Variants in KCNIP4 observed in about 807,000 individuals in gnomAD.
KCNIP4 encodes potassium voltage-gated channel interacting protein 4, also known as Kv channel-interacting protein 4.
In KCNIP4, 12 loss-of-function variants were observed where a neutral mutation model predicts 34.0. The observed-to-expected ratio is 0.35, with a 90% CI of 0.23 to 0.57. The LOEUF (loss-of-function observed/expected upper bound fraction) is 0.57, where lower values mean the gene tolerates loss of function less well. Ranked by LOEUF, KCNIP4 falls within the 20% of genes least tolerant of loss-of-function variation. KCNIP4 has a pLI of 0.83. For synonymous variants in KCNIP4, 124 were observed against 102.2 expected, an observed-to-expected ratio of 1.21 and a Z score of -1.29; for missense variants, 238 against 311.7, an observed-to-expected ratio of 0.76 and a Z score of 1.78.
chr4:21,321,804 G>A (rs1011978042), intron 1 of KCNIP4, among the ~76,000 whole-genome samples: 2 of 139,188 alleles, frequency 1.4e-5, no homozygotes, highest in Admixed American at 1.5e-4. Flanking sequence ...GAGGGAGGGA[G>A]AAGAGGAGGG....
At chr4:21,879,752 G>A (rs1726356482) in intron 1 of KCNIP4, among the ~76,000 whole-genome samples, 2 of 151,450 alleles carry the variant, frequency 1.3e-5, no homozygotes, top group Non-Finnish European at 2.9e-5. Flanking sequence ...TATTGATATG[G>A]TTTCGCTGTG....
intron 1 of KCNIP4, among the ~76,000 whole-genome samples, chr4:21,067,035 T>C (rs1744459211): frequency 6.6e-6 from 1 of 152,130 alleles, no homozygotes; most frequent in Admixed American, 6.6e-5. Context: ...CAAAAAGAAC[T>C]GTGTCTTGCA....
chr4:20,948,161 T>C (rs1732391862), intron 1 of KCNIP4, among the ~76,000 whole-genome samples: 1 of 152,204 alleles, frequency 6.6e-6, no homozygotes, highest in African/African-American at 2.4e-5. Context: ...TGCTCCAGAT[T>C]TGGACCTTAT....
chr4:20,857,517 G>T (rs371286182), intron 2 of KCNIP4, among the ~76,000 whole-genome samples: 1 of 146,612 alleles, frequency 6.8e-6, no homozygotes, highest in African/African-American at 2.6e-5. Context: ...TGGATGTGAA[G>T]AAATTCACAA....
chr4:21,085,227 C>G (rs372844092), intron 1 of KCNIP4, among the ~76,000 whole-genome samples: 14 of 152,232 alleles, frequency 9.2e-5, no homozygotes, highest in African/African-American at 3.4e-4. Context: ...GAGAGATTCT[C>G]TCTCTCTCTG....
chr4:20,861,150 C>G (rs1722158326), intron 2 of KCNIP4, among the ~76,000 whole-genome samples: 1 of 152,142 alleles, frequency 6.6e-6, no homozygotes, highest in African/African-American at 2.4e-5. Flanking sequence ...GGACCTGCCC[C>G]AAACCTGTCT....
rs1418503882 is a variant in KCNIP4 at position 21,252,136 on chromosome 4, T to G, written c.62-369427A>C. 2.2e-3 allele frequency among the ~76,000 whole-genome samples: 332 copies of G among 150,176 alleles called. 2 individuals carry two copies. Among genetic ancestry groups the G allele is most frequent in the African/African-American group, 7.6e-3 (311 of 40,986 alleles). ...TAACATGAATGAGGTTTTGTTTTTT[T>G]TTTTTTTTTTGAGACAGAGTCTCGC... is the stretch of plus-strand genomic sequence containing the variant. On this transcript the variant is annotated intron_variant, in intron 1 of 8. Coordinates refer to ENST00000382152, the MANE Select transcript of KCNIP4 (RefSeq NM_025221.6).
chr4:21,787,756 A>T (rs1444866900), intron 1 of KCNIP4, among the ~76,000 whole-genome samples: 2 of 152,174 alleles, frequency 1.3e-5, no homozygotes, highest in African/African-American at 2.4e-5. Flanking sequence ...AAATTTTTTT[A>T]AAAATCTGCA....
intron 1 of KCNIP4, among the ~76,000 whole-genome samples, chr4:21,058,654 G>T (rs143241667): frequency 0.012 from 1,856 of 152,158 alleles, 25 homozygotes; most frequent in Admixed American, 0.019. Context: ...TAGCCATAAG[G>T]TTTCTATTAT....
chr4:20,892,260 A>T (rs1725995695), intron 1 of KCNIP4, among the ~76,000 whole-genome samples: 1 of 152,208 alleles, frequency 6.6e-6, no homozygotes. Context: ...GAATTTGCTG[A>T]AAACGATCTA....
chr4:21,383,818 C>CTTAA (rs2109486071), intron 1 of KCNIP4, among the ~76,000 whole-genome samples: 1 of 152,266 alleles, frequency 6.6e-6, no homozygotes, highest in South Asian at 2.1e-4. Context: ...AGTCACTGTC[C>CTTAA]TTAAGTAGGC....
intron 4 of KCNIP4, among the ~76,000 whole-genome samples, chr4:20,750,973 G>C (rs1325649850): frequency 2.0e-5 from 3 of 152,146 alleles, no homozygotes; most frequent in Non-Finnish European, 4.4e-5. Context: ...AGTAACAGGA[G>C]TACAGAATTG....
chr4:21,323,883 C>A (rs992741306), intron 1 of KCNIP4, among the ~76,000 whole-genome samples: 2 of 151,914 alleles, frequency 1.3e-5, no homozygotes, highest in African/African-American at 2.4e-5. Flanking sequence ...CTAGTGTTCC[C>A]TTTTCTCCAT....
In KCNIP4 at chr4:21,005,494, T is replaced by A. The variant is rs1042291135; in HGVS notation, c.62-122785A>T. On this transcript the variant is annotated intron_variant, in intron 1 of 8. Coordinates refer to ENST00000382152, the MANE Select transcript of KCNIP4 (RefSeq NM_025221.6). ...AAGCTTTAATTGGCTCAATTCTAAT[T>A]AATATACAGATGATTAAGATAATTT... Among the ~76,000 whole-genome samples, 5 of 152,042 alleles carry A rather than the reference T, an allele frequency of 3.3e-5. No individual in the cohort carries two copies. The South Asian group carries it at 1.0e-3, about 32-fold the overall frequency.
At chr4:21,773,850 G>A (rs947749030) in intron 1 of KCNIP4, among the ~76,000 whole-genome samples, 1 of 151,368 alleles carries the variant, frequency 6.6e-6, no homozygotes, top group Non-Finnish European at 1.5e-5. Flanking sequence ...TGTAAGATGG[G>A]TCTCCTGAAT....
chr4:21,109,497 C>A (rs572028823), intron 1 of KCNIP4, among the ~76,000 whole-genome samples: 3 of 150,080 alleles, frequency 2.0e-5, no homozygotes, highest in Non-Finnish European at 4.5e-5. Context: ...TTCCAGGTGC[C>A]GTCTGTCACC....
At chr4:21,603,218 T>C (rs1221783222) in intron 1 of KCNIP4, among the ~76,000 whole-genome samples, 1 of 152,186 alleles carries the variant, frequency 6.6e-6, no homozygotes, top group African/African-American at 2.4e-5. Flanking sequence ...TTCTAAATTT[T>C]GTGTTTTGAA....
chr4:21,695,977 A>C (rs541911667), intron 1 of KCNIP4, among the ~76,000 whole-genome samples: 1 of 152,174 alleles, frequency 6.6e-6, no homozygotes. Context: ...TTGTAATCTA[A>C]AGGTGAAGAC....
chr4:20,788,887 G>C (rs1364290539), intron 3 of KCNIP4, among the ~76,000 whole-genome samples: 1 of 152,154 alleles, frequency 6.6e-6, no homozygotes, highest in Non-Finnish European at 1.5e-5. Context: ...GGAAGGAGGA[G>C]TTGATTATTG....
Sources: allele counts gnomAD v4.1 joint callset (sites outside exome capture counted in the v4.1 genomes callset), GRCh38; gene constraint gnomAD v4.1.1; transcripts MANE v1.5; gene names NCBI Gene and HGNC (gene_info 2026-07-23, HGNC 2026-07-21).